The following CLASP1 variants were observed in gnomAD, a reference collection of about 807,000 sequenced individuals.
CLASP1 encodes CLIP-associating protein 1.
CLASP1 carries 38 observed loss-of-function variants against 192.3 expected under a neutral mutation model. The ratio of observed to expected loss-of-function variants is 0.20; its 90% confidence interval spans 0.15 to 0.26. The LOEUF (loss-of-function observed/expected upper bound fraction) is 0.26. Among genes scored for constraint, CLASP1 ranks in the 10% least tolerant of loss-of-function variants. CLASP1 has a pLI of 1.00. For synonymous variants in CLASP1, 691 were observed against 712.8 expected (o/e 0.97, Z 0.49); for missense variants, 1,433 against 1,932.5 (o/e 0.74, Z 4.85).
chr2:121,645,500 A>G (rs1216638013), intron 1 of CLASP1, among the ~76,000 whole-genome samples: 1 of 152,200 alleles, frequency 6.6e-6, no homozygotes, highest in Non-Finnish European at 1.5e-5. Flanking sequence ...CTACATTAGG[A>G]TACATTTGTT....
chr2:121,456,132 C>T (rs964807075), intron 14 of CLASP1, among the ~76,000 whole-genome samples: 4 of 151,976 alleles, frequency 2.6e-5, no homozygotes, highest in African/African-American at 9.7e-5. Flanking sequence ...TTGATTTAAC[C>T]ATTACAAAAT....
chr2:121,368,311 A>G (rs1409527915), intron 34 of CLASP1, among the ~76,000 whole-genome samples: 1 of 152,164 alleles, frequency 6.6e-6, no homozygotes, highest in African/African-American at 2.4e-5. Flanking sequence ...ATTCCTGCCT[A>G]GTGCTGGGCC....
At chr2:121,411,852 T>C (rs1452764417) in intron 23 of CLASP1, among the ~76,000 whole-genome samples, 1 of 152,158 alleles carries the variant, frequency 6.6e-6, no homozygotes, top group Non-Finnish European at 1.5e-5. Flanking sequence ...CTTCATTAAG[T>C]GTGTTGTACA....
chr2:121,593,742 G>T (rs1432165161), intron 2 of CLASP1, among the ~76,000 whole-genome samples: 2 of 151,862 alleles, frequency 1.3e-5, no homozygotes, highest in African/African-American at 4.8e-5. Context: ...CAGGCGCAGT[G>T]GCTCACGCCT....
At chr2:121,483,437 A>C (rs1385126889) in intron 8 of CLASP1, among the ~76,000 whole-genome samples, 1 of 152,096 alleles carries the variant, frequency 6.6e-6, no homozygotes, top group Admixed American at 6.5e-5. Context: ...AGAGAGAAAG[A>C]GGGAGAATAT....
At chr2:121,539,330 T>A (rs896678920) in intron 2 of CLASP1, among the ~76,000 whole-genome samples, 3 of 152,060 alleles carry the variant, frequency 2.0e-5, no homozygotes, top group South Asian at 2.1e-4. Flanking sequence ...ACAGACAGGA[T>A]AAAGAAACAG....
intron 20 of CLASP1, 109 bp from the exon 21 acceptor site, chr2:121,427,539 A>G: frequency 8.9e-7 from 1 of 1,124,498 alleles, no homozygotes; most frequent in South Asian, 1.4e-5. Flanking sequence ...GTTCACAAAT[A>G]CATTAGCAAA....
At chr2:121,583,564 A>G (rs2061426916) in intron 2 of CLASP1, among the ~76,000 whole-genome samples, 1 of 152,232 alleles carries the variant, frequency 6.6e-6, no homozygotes, top group Non-Finnish European at 1.5e-5. Context: ...AAAATATGCA[A>G]AGCAAACATT....
chr2:121,572,408 G>C (rs984417703), intron 2 of CLASP1, among the ~76,000 whole-genome samples: 14 of 152,226 alleles, frequency 9.2e-5, no homozygotes, highest in African/African-American at 3.4e-4. Flanking sequence ...AGCCTGGGCA[G>C]CAGAGCGAGA....
At chr2:121,356,586 A>T (rs932845121) in intron 37 of CLASP1, among the ~76,000 whole-genome samples, 4 of 152,222 alleles carry the variant, frequency 2.6e-5, no homozygotes, top group Non-Finnish European at 5.9e-5. Context: ...CAGTAAAACG[A>T]AAGGGAGAAT....
chr2:121,476,322 A>T (rs1004701930), intron 8 of CLASP1, among the ~76,000 whole-genome samples: 8 of 152,112 alleles, frequency 5.3e-5, no homozygotes, highest in African/African-American at 1.9e-4. Flanking sequence ...CCCAGAACTG[A>T]ACTTTAACCA....
At chr2:121,385,969 G>A (rs1046805265) in intron 32 of CLASP1, among the ~76,000 whole-genome samples, 1 of 152,206 alleles carries the variant, frequency 6.6e-6, no homozygotes, top group African/African-American at 2.4e-5. Flanking sequence ...CAGTCTACCT[G>A]AATATAGTGC....
In CLASP1 at chr2:121,478,716, AACCACACACAC is replaced by A. The variant is rs1183932247; in HGVS notation, c.713-8767_713-8757del. On this transcript the variant is annotated intron_variant, in intron 8 of 39. Transcript: ENST00000263710. ...ACACACAACCACACCCCACACACAC[AACCACACACAC>A]ACCACACACACACCCCACACACACC... Among the ~76,000 whole-genome samples the A allele has an allele frequency of 2.6e-3, 62 of 23,588 alleles. 1 individual carries two copies. The highest frequency in any genetic ancestry group is 4.6e-3 in the Non-Finnish European group (53 of 11,472). The allele number at this position is 23,588 out of a possible 152,430, so 15.5% of individuals were successfully genotyped here.
At chr2:121,648,094 T>G (rs1458555898) in intron 1 of CLASP1, among the ~76,000 whole-genome samples, 1 of 152,232 alleles carries the variant, frequency 6.6e-6, no homozygotes, top group African/African-American at 2.4e-5. Flanking sequence ...TTTTTATCTA[T>G]ATGGTCGCAA....
intron 2 of CLASP1, among the ~76,000 whole-genome samples, chr2:121,589,841 GA>G (rs201633867): frequency 1.1e-4 from 16 of 145,600 alleles, no homozygotes; most frequent in Admixed American, 1.4e-4. Flanking sequence ...ATTTTGTGGA[GA>G]AAAAAAAAAG....
chr2:121,462,305 A>C (rs2088241456), intron 10 of CLASP1, among the ~76,000 whole-genome samples: 1 of 152,056 alleles, frequency 6.6e-6, no homozygotes, highest in Admixed American at 6.6e-5. Context: ...CCTGATCCAT[A>C]AACTTAATAA....
chr2:121,492,148 G>C (rs993178040), intron 8 of CLASP1, among the ~76,000 whole-genome samples: 2 of 152,138 alleles, frequency 1.3e-5, no homozygotes, highest in African/African-American at 4.8e-5. Flanking sequence ...CCAGCACTTT[G>C]GGAGGCCGAG....
chr2:121,461,756 C>T (rs138222072), intron 10 of CLASP1, among the ~76,000 whole-genome samples: 290 of 152,246 alleles, frequency 1.9e-3, no homozygotes, highest in African/African-American at 6.7e-3. Flanking sequence ...TCTCAATTCA[C>T]AACAAACTCC....
intron 2 of CLASP1, among the ~76,000 whole-genome samples, chr2:121,566,611 A>T (rs1331404411): frequency 1.3e-5 from 2 of 152,234 alleles, no homozygotes; most frequent in Non-Finnish European, 2.9e-5. Context: ...TAATCATTTT[A>T]TTGAGGATTT....
Sources: allele counts gnomAD v4.1 joint callset (sites outside exome capture counted in the v4.1 genomes callset), GRCh38; gene constraint gnomAD v4.1.1; transcripts MANE v1.5; gene names NCBI Gene and HGNC (gene_info 2026-07-23, HGNC 2026-07-21).